Variants in PKD1L1 observed in about 807,000 individuals in gnomAD.
The protein encoded by PKD1L1 is polycystin-1-like protein 1.
In PKD1L1, 236 loss-of-function variants were observed where a neutral mutation model predicts 323.4. The ratio of observed to expected loss-of-function variants is 0.73; its 90% CI spans 0.66 to 0.81. PKD1L1 has a LOEUF of 0.81. Among genes scored for constraint, PKD1L1 ranks in the 40% least tolerant of loss-of-function variants. The probability of loss-of-function intolerance (pLI) is 0.00; values close to 1 mark genes in which losing one functional copy is unlikely to be tolerated. For missense variants in PKD1L1, 3,320 were observed against 3,508.0 expected, an observed-to-expected ratio of 0.95 and a Z score of 1.35; for synonymous variants, 1,344 against 1,335.0, an observed-to-expected ratio of 1.01 and a Z score of -0.15.
rs930715243 is a variant in PKD1L1 at position 47,845,056 on chromosome 7, C to T, written c.5176G>A (p.Ala1726Thr). 8.1e-6 allele frequency: 13 copies of T among 1,613,504 alleles called. No individual in the cohort carries two copies. The highest frequency in any genetic ancestry group is 3.3e-4 in the Middle Eastern group (2 of 6,082). ...GCCTTCAGCTTTCTCCTTAGGAGAGCGAATGCCGCGAGGCGATGGTAGCTA... is the reference window on the plus strand; with the variant it reads ...GCCTTCAGCTTTCTCCTTAGGAGAGTGAATGCCGCGAGGCGATGGTAGCTA... ...NCSYHRLAAF[A>T]LLRRKLKASF... Residue 1726 changes from alanine (A) to threonine (T), a missense_variant, in exon 33 of 57, where the codon GCT becomes ACT. Physicochemically the swap from Ala to Thr is moderately conservative, Grantham distance 58. Transcript: ENST00000289672.
chr7:47,828,966 C>T (rs1785289144), intron 44 of PKD1L1, among the ~76,000 whole-genome samples: 1 of 152,148 alleles, frequency 6.6e-6, no homozygotes, highest in African/African-American at 2.4e-5. Context: ...TCTCTTCCTT[C>T]ATATCATTCA....
intron 22 of PKD1L1, 46 bp downstream of exon 22, chr7:47,877,443 C>T: frequency 6.2e-7 from 1 of 1,604,412 alleles, no homozygotes; most frequent in Non-Finnish European, 8.5e-7. Flanking sequence ...CTGCCAGATG[C>T]CACTGTCGGG....
At chr7:47,788,119 CTATT>C (rs1786852767) in intron 56 of PKD1L1, among the ~76,000 whole-genome samples, 1 of 151,610 alleles carries the variant, frequency 6.6e-6, no homozygotes, top group Non-Finnish European at 1.5e-5. Context: ...AGCTATATTC[CTATT>C]TTTTTTAAAA....
At chr7:47,880,273 T>G (rs1183298381) in intron 21 of PKD1L1, among the ~76,000 whole-genome samples, 2 of 80,500 alleles carry the variant, frequency 2.5e-5, no homozygotes, top group African/African-American at 1.2e-4. Flanking sequence ...TACATATATA[T>G]ATATATATAT....
Position 47,830,020 on chromosome 7 carries a change from C to T in PKD1L1, c.6558+20G>A, listed in dbSNP as rs1014373267. ...CCCCTGCTGATGGAAGGCACTTCTACCATGGAGGGTGTTTCTTACCATAAG... is the reference window on the plus strand; with the variant it reads ...CCCCTGCTGATGGAAGGCACTTCTATCATGGAGGGTGTTTCTTACCATAAG... On this transcript the variant is annotated intron_variant, in intron 43 of 56. Transcript: ENST00000289672. 2 of 1,611,048 alleles carry T rather than the reference C, an allele frequency of 1.2e-6. No homozygotes were observed. The highest frequency in any genetic ancestry group is 1.7e-5 in the Admixed American group (1 of 59,980).
In PKD1L1 at chr7:47,897,930, G is replaced by A. The variant is rs561020511; in HGVS notation, c.2271+58C>T. The A allele has an allele frequency of 4.3e-6, 6 of 1,387,226 alleles. No individual in the cohort carries two copies. The Admixed American group carries it at 1.5e-4, about 35-fold the overall frequency. 85.9% of individuals were successfully genotyped at this position (1,387,226 alleles called of 1,614,324 possible). ...TTCCAAATGCTGAGCTCTTGCTCCA[G>A]GGCGATGAGAAGCATGGGTTTCATT... On this transcript the variant is annotated intron_variant, in intron 14 of 56. Coordinates refer to ENST00000289672, the MANE Select transcript of PKD1L1 (RefSeq NM_138295.5).
At chr7:47,957,190 T>G in the PKD1L1 span, 1 of 182,800 alleles carries the variant, frequency 5.5e-6, no homozygotes, top group Non-Finnish European at 1.2e-5. Flanking sequence ...ATGCTGCAAA[T>G]TGCCACGCAG....
Position 47,797,184 on chromosome 7 carries a change from T to C in PKD1L1, c.8194-1034A>G, listed in dbSNP as rs546267968. On this transcript the variant is annotated intron_variant, in intron 54 of 56. Coordinates refer to ENST00000289672, the MANE Select transcript of PKD1L1 (RefSeq NM_138295.5). Reference sequence around the variant, plus strand: ...CCCTCCATGCTGCTAAGCAGCATCGTCTAAGGGGTAAGCTCTCTCTCTGCT... The same window carrying C: ...CCCTCCATGCTGCTAAGCAGCATCGCCTAAGGGGTAAGCTCTCTCTCTGCT... 9.7e-4 allele frequency among the ~76,000 whole-genome samples: 147 copies of C among 152,298 alleles called. 8 individuals carry two copies. In the South Asian group the frequency reaches 0.029, roughly 30 times the overall value.
intron 45 of PKD1L1, among the ~76,000 whole-genome samples, chr7:47,825,916 T>G (rs1755504631): frequency 6.6e-6 from 1 of 152,134 alleles, no homozygotes; most frequent in Admixed American, 6.5e-5. Context: ...CCTAAATGCT[T>G]TCTCTGGGCC....
chr7:47,817,762 T>TG (rs1326809453), intron 46 of PKD1L1, among the ~76,000 whole-genome samples: 2 of 151,840 alleles, frequency 1.3e-5, no homozygotes, highest in Non-Finnish European at 2.9e-5. Flanking sequence ...CTCAGCTACT[T>TG]GGGGGGCTGA....
At position 47,843,003 on chromosome 7, in the gene PKD1L1, T is replaced by C. The variant is rs776003124; in HGVS notation, c.5404A>G (p.Ile1802Val). 1 of 1,613,728 alleles carries C rather than the reference T, an allele frequency of 6.2e-7. No homozygotes were observed. The highest frequency in any genetic ancestry group is 8.5e-7 in the Non-Finnish European group (1 of 1,179,868). ...GCCGGAGCTCGGAAGCCAGTGTCAA[T>C]GACGACCGCATATAGCTGATGGCCC... ...LPGHQLYAVV[I>V]DTGFRAPARL... is the part of the protein sequence containing the mutation. Residue 1802 changes from isoleucine to valine, a missense_variant, in exon 34 of 57, where the codon ATT becomes GTT. Coordinates refer to ENST00000289672, the MANE Select transcript of PKD1L1 (RefSeq NM_138295.5).
upstream of PKD1L1, chr7:47,948,506 G>T: frequency 1.3e-6 from 2 of 1,523,676 alleles, no homozygotes; most frequent in East Asian, 2.3e-5. Context: ...TCCTCTGGAA[G>T]ACAAAGAAAT....
At chr7:47,860,660 T>C (rs977513184) in intron 26 of PKD1L1, among the ~76,000 whole-genome samples, 2 of 152,210 alleles carry the variant, frequency 1.3e-5, no homozygotes, top group African/African-American at 4.8e-5. Flanking sequence ...ATTAAACAAG[T>C]GCTTTAAAGA....
intron 8 of PKD1L1, among the ~76,000 whole-genome samples, chr7:47,914,119 G>C (rs1253635615): frequency 6.6e-6 from 1 of 152,136 alleles, no homozygotes; most frequent in Non-Finnish European, 1.5e-5. Context: ...ATACGCTAAA[G>C]AAACAGAGGG....
intron 36 of PKD1L1, 42 bp from the exon 37 acceptor site, chr7:47,837,136 T>C: frequency 6.2e-7 from 1 of 1,603,154 alleles, no homozygotes; most frequent in Middle Eastern, 1.7e-4. Context: ...ACATGGAGCA[T>C]TTCTGTCAGC....
At position 47,813,262 on chromosome 7, in the gene PKD1L1, T is replaced by C; in HGVS notation, c.7205A>G (p.Asp2402Gly). The part of the protein sequence containing the change: ...PPRPFSALIE[D>G]SIPTCSPEVG... ...TTCGGGACTACATGTAGGAATAGAGTCTTCGATGAGTGCTGAAAATGGCCT... is the reference window on the plus strand; with the variant it reads ...TTCGGGACTACATGTAGGAATAGAGCCTTCGATGAGTGCTGAAAATGGCCT... Residue 2402 changes from aspartate to glycine, a missense_variant, in exon 49 of 57, where the codon GAC becomes GGC. Asp to Gly is a moderately conservative substitution (Grantham distance 94, BLOSUM62 -1). Transcript: ENST00000289672. 14 of 1,613,882 alleles carry C rather than the reference T, an allele frequency of 8.7e-6. No homozygotes were observed. The highest frequency in any genetic ancestry group is 1.2e-5 in the Non-Finnish European group (14 of 1,179,968).
chr7:47,807,770 A>AG (rs1784811884), intron 52 of PKD1L1, among the ~76,000 whole-genome samples: 1 of 152,118 alleles, frequency 6.6e-6, no homozygotes, highest in Non-Finnish European at 1.5e-5. Context: ...AGGGCTGCCT[A>AG]GGGGAAGGAG....
chr7:47,830,242 G>A, intron 42 of PKD1L1, 118 bp from the exon 43 acceptor site: 1 of 775,836 alleles, frequency 1.3e-6, no homozygotes, highest in Non-Finnish European at 2.1e-6. Flanking sequence ...GCCGTGGCAG[G>A]AAGCCTGCTG....
At chr7:47,866,689 G>A in intron 24 of PKD1L1, 75 bp from the exon 25 acceptor site, 1 of 1,308,744 alleles carries the variant, frequency 7.6e-7, no homozygotes, top group Non-Finnish European at 1.1e-6. Context: ...CCAAGAGTGG[G>A]ATGGGATTTG....
Sources: allele counts gnomAD v4.1 joint callset (sites outside exome capture counted in the v4.1 genomes callset), GRCh38; gene constraint gnomAD v4.1.1; transcripts MANE v1.5; gene names NCBI Gene and HGNC (gene_info 2026-07-23, HGNC 2026-07-21).